SMARCA2: variants seen among roughly 807,000 people sequenced by gnomAD.
SMARCA2 encodes SWI/SNF-related matrix-associated actin-dependent regulator of chromatin subfamily A member 2.
SMARCA2 carries 61 observed loss-of-function variants against 199.8 expected under a neutral mutation model. The ratio of observed to expected loss-of-function variants is 0.31; its 90% CI spans 0.25 to 0.38. SMARCA2 has a LOEUF of 0.38. SMARCA2 is among the 10% of genes least tolerant of loss of function. SMARCA2 has a pLI of 1.00. For missense variants in SMARCA2, 1,344 were observed against 2,012.2 expected (o/e 0.67, Z 6.35); for synonymous variants, 935 against 732.0 (o/e 1.28, Z -4.48).
chr9:2,082,699 C>G (rs1159818283), intron 15 of SMARCA2, among the ~76,000 whole-genome samples: 1 of 152,218 alleles, frequency 6.6e-6, no homozygotes, highest in Non-Finnish European at 1.5e-5. Context: ...TGTTATAGAT[C>G]TCAATGCTGA....
At chr9:2,116,509 C>G (rs1304618295) in intron 25 of SMARCA2, among the ~76,000 whole-genome samples, 1 of 152,194 alleles carries the variant, frequency 6.6e-6, no homozygotes, top group Admixed American at 6.5e-5. Context: ...ACCTTCACAG[C>G]CATCTTCCGC....
At chr9:2,022,446 A>G (rs1483440090) in intron 1 of SMARCA2, among the ~76,000 whole-genome samples, 1 of 152,208 alleles carries the variant, frequency 6.6e-6, no homozygotes, top group African/African-American at 2.4e-5. Flanking sequence ...AGGCATAGTA[A>G]CATCATTAAT....
At position 2,171,663 on chromosome 9, in the gene SMARCA2, G is replaced by T. The variant is rs142521188; in HGVS notation, c.4253+1191G>T. Reference sequence around the variant, plus strand: ...AACTCAGTCTGGATTCTGACTTGGAGATTGAAACAACGAATAGTTGACTTC... The same window carrying T: ...AACTCAGTCTGGATTCTGACTTGGATATTGAAACAACGAATAGTTGACTTC... On this transcript the variant is annotated intron_variant, in intron 29 of 33. Coordinates refer to ENST00000349721, the MANE Select transcript of SMARCA2 (RefSeq NM_003070.5). Among the ~76,000 whole-genome samples the T allele has an allele frequency of 3.0e-4, 45 of 152,320 alleles. No individual in the cohort carries two copies. In the East Asian group the frequency reaches 5.6e-3, roughly 19 times the overall value.
chr9:2,129,101 C>T (rs1264503789), intron 27 of SMARCA2, among the ~76,000 whole-genome samples: 2 of 152,118 alleles, frequency 1.3e-5, no homozygotes, highest in Non-Finnish European at 2.9e-5. Context: ...GCAACGGATT[C>T]GGATTGATTA....
chr9:2,150,433 C>T (rs994143554), intron 27 of SMARCA2, among the ~76,000 whole-genome samples: 1 of 151,648 alleles, frequency 6.6e-6, no homozygotes, highest in African/African-American at 2.4e-5. Flanking sequence ...CCATCTCCAT[C>T]AGGTGAGACT....
intron 26 of SMARCA2, among the ~76,000 whole-genome samples, chr9:2,122,946 T>G (rs528253533): frequency 3.5e-4 from 54 of 152,304 alleles, no homozygotes; most frequent in African/African-American, 1.3e-3. Flanking sequence ...ACTGGATTAT[T>G]AAAAAGAGAG....
Position 2,016,144 on chromosome 9 carries a change from G to A in SMARCA2, c.-37+740G>A, listed in dbSNP as rs1818345018. 6.6e-6 allele frequency: 1 copy of A among 152,514 alleles called. No individual in the cohort carries two copies. Among genetic ancestry groups the A allele is most frequent in the Non-Finnish European group, 1.5e-5 (1 of 68,284 alleles). 9.4% of individuals were successfully genotyped at this position (152,514 alleles called of 1,614,324 possible). A position where few individuals can be genotyped will look rare whatever the true frequency, so the allele number is the denominator to read the frequency against. On this transcript the variant is annotated intron_variant, in intron 1 of 33. Transcript: ENST00000349721. This position sits in a 1 kb window ranked among gnomAD's most constrained non-coding sequence, Gnocchi z 5.6. ...GGTAGCGGCCACTGCCGCGGGGCCG[G>A]TGCGTGCCTGATCGGAGGTGTCACC...
intron 1 of SMARCA2, among the ~76,000 whole-genome samples, chr9:2,019,313 A>G (rs1818501906): frequency 6.6e-6 from 1 of 152,168 alleles, no homozygotes; most frequent in Non-Finnish European, 1.5e-5. Flanking sequence ...TATGACTTAT[A>G]TCAGTAACAG....
chr9:2,073,365 A>T (rs753238087), intron 11 of SMARCA2, 23 bp downstream of exon 11: 2 of 1,613,414 alleles, frequency 1.2e-6, no homozygotes, highest in Admixed American at 1.7e-5. Flanking sequence ...AGCAGCGTTC[A>T]TGGTGTTCTT....
intron 15 of SMARCA2, among the ~76,000 whole-genome samples, chr9:2,083,080 T>G (rs917534584): frequency 1.3e-5 from 2 of 152,138 alleles, no homozygotes; most frequent in East Asian, 3.8e-4. Flanking sequence ...CATATTACAG[T>G]TTAGTTTTTT....
chr9:2,076,377 C>T lies in SMARCA2; in HGVS notation c.2036+48C>T, dbSNP rs1821323698. 4 of 1,162,900 alleles carry T rather than the reference C, an allele frequency of 3.4e-6. No individual in the cohort carries two copies. The South Asian group carries it at 5.0e-5, about 14-fold the overall frequency. The allele number at this position is 1,162,900 out of a possible 1,614,324, so 72.0% of individuals were successfully genotyped here. A position where few individuals can be genotyped will look rare whatever the true frequency, so the allele number is the denominator to read the frequency against. On this transcript the variant is annotated intron_variant, in intron 13 of 33. Transcript: ENST00000349721. ...GGAAATGCATTGCATGAGGATGATG[C>T]TTAATGAATTTTCTTTTAGGAAATT...
At chr9:2,091,017 G>T (rs1372426381) in intron 19 of SMARCA2, among the ~76,000 whole-genome samples, 1 of 152,126 alleles carries the variant, frequency 6.6e-6, no homozygotes, top group Non-Finnish European at 1.5e-5. Context: ...GGAGGAAAAG[G>T]CTAAATACTT....
chr9:2,058,138 G>T (rs963784138), intron 7 of SMARCA2, 153 bp from the exon 8 acceptor site: 3 of 675,544 alleles, frequency 4.4e-6, no homozygotes, highest in African/African-American at 3.6e-5. Context: ...CACCTTAACT[G>T]CAGAGACACC....
chr9:2,094,312 T>A (rs1005549909), intron 19 of SMARCA2, among the ~76,000 whole-genome samples: 4 of 152,216 alleles, frequency 2.6e-5, no homozygotes, highest in Non-Finnish European at 5.9e-5. Flanking sequence ...GCTGCTTGCC[T>A]CTCTGCTGAC....
intron 27 of SMARCA2, among the ~76,000 whole-genome samples, chr9:2,126,706 C>T (rs1453590701): frequency 2.6e-5 from 4 of 152,260 alleles, no homozygotes; most frequent in Admixed American, 2.6e-4. Flanking sequence ...TTGGCAGAGA[C>T]ATCCAAGATG....
At position 2,077,711 on chromosome 9, in the gene SMARCA2, G is replaced by A; in HGVS notation, c.2119G>A (p.Ala707Thr). The A allele has an allele frequency of 6.2e-7, 1 of 1,614,022 alleles. No homozygotes were observed. The highest frequency in any genetic ancestry group is 1.3e-5 in the African/African-American group (1 of 75,052). The change falls in exon 14 of 34, where the codon GCC becomes ACC. Residue 707 changes from alanine to threonine, a missense_variant. By Grantham distance (58) the Ala-to-Thr change is moderately conservative. Transcript: ENST00000349721. ...CCAGTCCTACTACACCGTGGCTCAT[G>A]CCATCTCGGAGAGGGTGGAGAAACA... ...GSQSYYTVAH[A>T]ISERVEKQSA...
intron 26 of SMARCA2, among the ~76,000 whole-genome samples, chr9:2,122,170 C>G (rs144763940): frequency 6.6e-6 from 1 of 152,234 alleles, no homozygotes; most frequent in Non-Finnish European, 1.5e-5. Flanking sequence ...TTTATTTTCT[C>G]AATTGTGGAC....
chr9:2,143,657 C>A (rs924903502), intron 27 of SMARCA2, among the ~76,000 whole-genome samples: 5 of 152,146 alleles, frequency 3.3e-5, no homozygotes, highest in Admixed American at 6.5e-5. Context: ...ATAAGGGAAA[C>A]TGATCATTTT....
chr9:2,043,955 A>C (rs951850567), intron 4 of SMARCA2: 1 of 152,208 alleles, frequency 6.6e-6, no homozygotes, highest in African/African-American at 2.4e-5. Flanking sequence ...TTGGAGAGGG[A>C]GTGGGAGATA....
Sources: allele counts gnomAD v4.1 joint callset (sites outside exome capture counted in the v4.1 genomes callset), GRCh38; gene constraint gnomAD v4.1.1; non-coding constraint Gnocchi (gnomAD v3.1); transcripts MANE v1.5; gene names NCBI Gene and HGNC (gene_info 2026-07-23, HGNC 2026-07-21).